Variants in NDUFS6 observed in about 807,000 individuals in gnomAD.
NDUFS6 encodes NADH dehydrogenase [ubiquinone] iron-sulfur protein 6, mitochondrial.
In NDUFS6, 14 loss-of-function variants were observed where a neutral mutation model predicts 13.2. The ratio of observed to expected loss-of-function variants is 1.06; its 90% CI spans 0.70 to 1.66. The LOEUF is 1.66. Ranked by LOEUF, NDUFS6 falls within the 40% of genes most tolerant of loss-of-function variation. NDUFS6 has a pLI of 0.00. For synonymous variants in NDUFS6, 95 were observed against 72.3 expected (o/e 1.31, Z -1.60); for missense variants, 206 against 170.8 (o/e 1.21, Z -1.15).
intron 3 of NDUFS6, among the ~76,000 whole-genome samples, chr5:1,815,593 G>A (rs1734296034): frequency 6.6e-6 from 1 of 152,198 alleles, no homozygotes; most frequent in Non-Finnish European, 1.5e-5. Flanking sequence ...TGAGGTGTGG[G>A]GAGTGAATGG....
chr5:1,814,379 C>T lies in NDUFS6; in HGVS notation c.227C>T (p.Pro76Leu). 6.2e-7 allele frequency: 1 copy of T among 1,614,182 alleles called. No individual in the cohort carries two copies. Among genetic ancestry groups the T allele is most frequent in the Non-Finnish European group, 8.5e-7 (1 of 1,180,030 alleles). The change falls in exon 3 of 4, where the codon CCC becomes CTC. Residue 76 changes from proline (P) to leucine (L), a missense_variant. Transcript: ENST00000274137. This position sits in a 1 kb window ranked among gnomAD's most constrained non-coding sequence, Gnocchi z 4.9. Reference sequence around the variant, plus strand: ...GCCATTGATTTGATAGCAGAGCAGCCCGTGAGCGAGGTGGAGACTCGGGTG... The same window carrying T: ...GCCATTGATTTGATAGCAGAGCAGCTCGTGAGCGAGGTGGAGACTCGGGTG... ...NFAIDLIAEQ[P>L]VSEVETRVIA...
intron 1 of NDUFS6, among the ~76,000 whole-genome samples, 181 bp downstream of exon 1, chr5:1,801,730 T>A (rs1734046396): frequency 6.6e-6 from 1 of 152,202 alleles, no homozygotes; most frequent in African/African-American, 2.4e-5. Context: ...GGTGGCAGCC[T>A]GTAGCGGTGG....
Position 1,802,385 on chromosome 5 carries a change from A to G in NDUFS6, c.186+11A>G. 1 of 1,612,160 alleles carries G rather than the reference A, an allele frequency of 6.2e-7. No homozygotes were observed. The highest frequency in any genetic ancestry group is 8.5e-7 in the Non-Finnish European group (1 of 1,178,278). ...GGTCGTCAGAAAGAGGTGAGTAAAA[A>G]ATCTAGTGAAGAGAGGTAAGCTTTC... On this transcript the variant is annotated intron_variant, in intron 2 of 3. Transcript: ENST00000274137.
At position 1,801,503 on chromosome 5, in the gene NDUFS6, G is replaced by T; in HGVS notation, c.86G>T (p.Gly29Val). 1 of 1,601,330 alleles carries T rather than the reference G, an allele frequency of 6.2e-7. No individual in the cohort carries two copies. Among genetic ancestry groups the T allele is most frequent in the East Asian group, 2.2e-5 (1 of 44,780 alleles). The change falls in exon 1 of 4, where the codon GGG becomes GTG. Residue 29 changes from glycine (G) to valine (V), a missense_variant. Transcript: ENST00000274137. ...CTGCCCCTGGGCGCCAGGTGTTTCG[G>T]GGTGCGGGTCTCGCCGACCGGGGAG... ...RSLPLGARCF[G>V]VRVSPTGEKV...
chr5:1,815,652 G>A (rs1413444497), intron 3 of NDUFS6, among the ~76,000 whole-genome samples, 199 bp from the exon 4 acceptor site: 6 of 152,194 alleles, frequency 3.9e-5, no homozygotes, highest in East Asian at 1.9e-4. Context: ...GGATGGCTGC[G>A]TAGCCCGGGG....
At chr5:1,801,919 C>G (rs1450071958) in intron 1 of NDUFS6, among the ~76,000 whole-genome samples, 1 of 152,140 alleles carries the variant, frequency 6.6e-6, no homozygotes, top group Non-Finnish European at 1.5e-5. Context: ...GGTTGTAGTC[C>G]AAGGCACAAA....
At position 1,806,481 on chromosome 5, in the gene NDUFS6, G is replaced by A. The variant is rs562727802; in HGVS notation, c.186+4107G>A. Among the ~76,000 whole-genome samples, 18 of 152,358 alleles carry A rather than the reference G, an allele frequency of 1.2e-4. No individual in the cohort carries two copies. In the South Asian group the frequency reaches 2.7e-3, roughly 23 times the overall value. On this transcript the variant is annotated intron_variant, in intron 2 of 3. Coordinates refer to ENST00000274137, the MANE Select transcript of NDUFS6 (RefSeq NM_004553.6). ...TCTTCAGTAGCAGACTTCAAGGTGC[G>A]TGGTGCCACCAGGATTAGGAGCAGT...
rs863224110 is a variant in NDUFS6 at position 1,814,399 on chromosome 5, C to A, written c.247C>A (p.Arg83=). The change falls in exon 3 of 4, where the codon CGG becomes AGG. Residue 83 remains arginine, a synonymous_variant. Transcript: ENST00000274137. This position sits in a 1 kb window ranked among gnomAD's most constrained non-coding sequence, Gnocchi z 4.9. Reference sequence around the variant, plus strand: ...GCAGCCCGTGAGCGAGGTGGAGACTCGGGTGATAGCGTGCGATGGCGGCGG... The same window carrying A: ...GCAGCCCGTGAGCGAGGTGGAGACTAGGGTGATAGCGTGCGATGGCGGCGG... The part of the protein sequence containing the change: ...AEQPVSEVET[R]VIACDGGGGA... 6.2e-7 allele frequency: 1 copy of A among 1,614,030 alleles called. No homozygotes were observed. The highest frequency in any genetic ancestry group is 1.1e-5 in the South Asian group (1 of 91,078).
chr5:1,801,592 C>T (rs1458628858), intron 1 of NDUFS6, 43 bp downstream of exon 1: 5 of 1,536,822 alleles, frequency 3.3e-6, no homozygotes, highest in African/African-American at 1.4e-5. Flanking sequence ...TCCAGCCGCA[C>T]CTCGGGCGAC....
At chr5:1,806,008 C>T (rs561747617) in intron 2 of NDUFS6, among the ~76,000 whole-genome samples, 1 of 152,236 alleles carries the variant, frequency 6.6e-6, no homozygotes, top group African/African-American at 2.4e-5. Context: ...CCAGGGAAGC[C>T]TCTAGTGTGT....
At chr5:1,802,210 A>T in intron 1 of NDUFS6, 111 bp from the exon 2 acceptor site, 1 of 1,022,662 alleles carries the variant, frequency 9.8e-7, no homozygotes, top group Non-Finnish European at 1.5e-6. Flanking sequence ...ACTTTTCATC[A>T]ATGGCCTAAA....
At chr5:1,806,698 C>T (rs1360317266) in intron 2 of NDUFS6, among the ~76,000 whole-genome samples, 5 of 152,132 alleles carry the variant, frequency 3.3e-5, no homozygotes, top group African/African-American at 9.7e-5. Context: ...AAACTTTGTG[C>T]CTTGCTGCTG....
intron 2 of NDUFS6, among the ~76,000 whole-genome samples, chr5:1,804,445 G>A (rs999192273): frequency 2.6e-5 from 4 of 152,248 alleles, no homozygotes; most frequent in Non-Finnish European, 4.4e-5. Context: ...GTCTGTGACC[G>A]GCAGCTCACC....
At chr5:1,802,692 C>A (rs1242893240) in intron 2 of NDUFS6, among the ~76,000 whole-genome samples, 1 of 152,112 alleles carries the variant, frequency 6.6e-6, no homozygotes, top group African/African-American at 2.4e-5. Context: ...AAAAATTATT[C>A]TTTTAACCAC....
intron 2 of NDUFS6, among the ~76,000 whole-genome samples, chr5:1,803,768 A>G (rs570078129): frequency 1.3e-5 from 2 of 152,350 alleles, no homozygotes; most frequent in South Asian, 4.1e-4. Context: ...TGATTCACAC[A>G]AAGGAGCTCA....
At chr5:1,811,177 G>A (rs1264458411) in intron 2 of NDUFS6, among the ~76,000 whole-genome samples, 2 of 151,894 alleles carry the variant, frequency 1.3e-5, no homozygotes, top group African/African-American at 4.8e-5. Context: ...TATGTTAATC[G>A]ACCATTTATG....
chr5:1,801,426 G>A lies in NDUFS6; in HGVS notation c.9G>A (p.Ala3=), dbSNP rs765884582. 12 of 1,605,098 alleles carry A rather than the reference G, an allele frequency of 7.5e-6. No individual in the cohort carries two copies. In the African/African-American group the frequency reaches 1.6e-4, roughly 21 times the overall value. The change falls in exon 1 of 4, where the codon GCG becomes GCA. Residue 3 remains alanine, a synonymous_variant. Coordinates refer to ENST00000274137, the MANE Select transcript of NDUFS6 (RefSeq NM_004553.6). The part of the protein sequence containing the change: MA[A]AMTFCRLLNR... ...AAGGCCAGCGGCGCAAAATGGCGGC[G>A]GCGATGACCTTCTGCCGGCTGCTGA...
intron 2 of NDUFS6, among the ~76,000 whole-genome samples, chr5:1,804,993 C>T (rs1378907904): frequency 6.6e-6 from 1 of 152,210 alleles, no homozygotes; most frequent in African/African-American, 2.4e-5. Context: ...CCCCTGGCAG[C>T]CCCTGATCGT....
Position 1,801,475 on chromosome 5 carries a change from A to T in NDUFS6, c.58A>T (p.Ser20Cys), listed in dbSNP as rs781202124. The T allele has an allele frequency of 2.5e-6, 4 of 1,603,812 alleles. No homozygotes were observed. The highest frequency in any genetic ancestry group is 3.4e-6 in the Non-Finnish European group (4 of 1,178,780). The stretch of plus-strand genomic sequence containing the variant: ...GAACCGGTGTGGCGAGGCGGCGCGG[A>T]GCCTGCCCCTGGGCGCCAGGTGTTT... ...LLNRCGEAARSLPLGARCFGV... is the reference protein window; with the variant it reads ...LLNRCGEAARCLPLGARCFGV... The change falls in exon 1 of 4, where the codon AGC (serine) becomes TGC (cysteine). Residue 20 changes from serine to cysteine, a missense_variant. Transcript: ENST00000274137.
Sources: gnomAD v4.1 joint callset for allele counts (sites outside exome capture counted in the v4.1 genomes callset) on GRCh38, gnomAD v4.1.1 for gene constraint, Gnocchi (gnomAD v3.1) non-coding constraint, MANE v1.5 for transcripts, NCBI Gene and HGNC (gene_info 2026-07-23, HGNC 2026-07-21) for gene names.